COL14A1: variants seen among roughly 807,000 people sequenced by gnomAD.
COL14A1 encodes collagen type XIV alpha 1 chain.
A neutral mutation model predicts 230.3 loss-of-function variants in COL14A1; 136 were observed. The observed-to-expected ratio is 0.59, with a 90% confidence interval of 0.51 to 0.68. COL14A1 has a LOEUF of 0.68. Ranked by LOEUF, COL14A1 falls within the 30% of genes least tolerant of loss-of-function variation. COL14A1 has a pLI of 0.00. For synonymous variants in COL14A1, 792 were observed against 784.1 expected (o/e 1.01, Z -0.17); for missense variants, 1,976 against 2,215.8 (o/e 0.89, Z 2.17).
chr8:120,180,032 T>C (rs532118746), intron 5 of COL14A1, among the ~76,000 whole-genome samples: 1 of 152,094 alleles, frequency 6.6e-6, no homozygotes. Context: ...TTACACCTTA[T>C]ACAAAAATTA....
intron 20 of COL14A1, among the ~76,000 whole-genome samples, chr8:120,246,114 T>G (rs1249792672): frequency 6.6e-6 from 1 of 152,170 alleles, no homozygotes; most frequent in Non-Finnish European, 1.5e-5. Context: ...AGTTTTCAAC[T>G]AAGTTTGCGA....
At chr8:120,305,259 C>T (rs1040677678) in intron 36 of COL14A1, among the ~76,000 whole-genome samples, 1 of 152,074 alleles carries the variant, frequency 6.6e-6, no homozygotes, top group Non-Finnish European at 1.5e-5. Context: ...GGATTACAGG[C>T]GTGAGCCACC....
chr8:120,260,779 C>T (rs999171094), intron 23 of COL14A1, among the ~76,000 whole-genome samples: 2 of 152,146 alleles, frequency 1.3e-5, no homozygotes, highest in African/African-American at 4.8e-5. Context: ...CCCAAGTAGG[C>T]TCTGTGGAGT....
intron 13 of COL14A1, among the ~76,000 whole-genome samples, chr8:120,215,980 G>A (rs141123889): frequency 3.9e-5 from 6 of 152,316 alleles, no homozygotes; most frequent in African/African-American, 1.4e-4. Context: ...GAGTGGCTTT[G>A]CCAGAGTCAC....
At chr8:120,248,986 C>CGCA (rs1288620220) in intron 21 of COL14A1, among the ~76,000 whole-genome samples, 7 of 121,460 alleles carry the variant, frequency 5.8e-5, no homozygotes, top group South Asian at 5.3e-4. Flanking sequence ...AGTACAGTGG[C>CGCA]GCAGCCTCGG....
chr8:120,280,179 C>A, intron 29 of COL14A1, 80 bp downstream of exon 29: 2 of 1,480,038 alleles, frequency 1.4e-6, no homozygotes, highest in Non-Finnish European at 1.9e-6. Flanking sequence ...TGAGTCCGAT[C>A]TAGATCTGAG....
At chr8:120,199,284 T>C in intron 7 of COL14A1, 118 bp from the exon 8 acceptor site, 1 of 843,530 alleles carries the variant, frequency 1.2e-6, no homozygotes, top group Non-Finnish European at 1.7e-6. Context: ...AATGAAGATT[T>C]GCATGTAATA....
intron 4 of COL14A1, among the ~76,000 whole-genome samples, chr8:120,167,676 C>A (rs1272982604): frequency 6.6e-6 from 1 of 152,130 alleles, no homozygotes; most frequent in African/African-American, 2.4e-5. Context: ...TAAGGCTCTT[C>A]ATCTTCTTGT....
chr8:120,186,551 A>G (rs1816657671), intron 5 of COL14A1, among the ~76,000 whole-genome samples: 1 of 152,220 alleles, frequency 6.6e-6, no homozygotes, highest in Non-Finnish European at 1.5e-5. Context: ...TAAAAATAGT[A>G]CACACTCTCC....
At chr8:120,324,217 T>TA (rs555120162) in intron 40 of COL14A1, among the ~76,000 whole-genome samples, 10 of 145,440 alleles carry the variant, frequency 6.9e-5, no homozygotes, top group South Asian at 6.5e-4. Flanking sequence ...ACCCTGAACC[T>TA]AAAAAAAAAA....
At chr8:120,255,447 A>G (rs1228914112) in intron 23 of COL14A1, 91 bp downstream of exon 23, 3 of 969,140 alleles carry the variant, frequency 3.1e-6, no homozygotes, top group African/African-American at 1.6e-5. Flanking sequence ...GTAGCATTAG[A>G]CAACAGCCCT....
At chr8:120,364,045 T>C (rs11991919) in intron 45 of COL14A1, among the ~76,000 whole-genome samples, 5,198 of 152,144 alleles carry the variant, frequency 0.034, 295 homozygotes, top group African/African-American at 0.12. Context: ...GACAGACAAG[T>C]TAAAGGGCAT....
In COL14A1 at chr8:120,278,312, G is replaced by C; in HGVS notation, c.3337+78G>C. The C allele has an allele frequency of 1.6e-5, 24 of 1,511,976 alleles. 1 individual carries two copies. The highest frequency in any genetic ancestry group is 4.6e-5 in the East Asian group (2 of 43,488). 93.7% of individuals were successfully genotyped at this position (1,511,976 alleles called of 1,614,324 possible). On this transcript the variant is annotated intron_variant, in intron 27 of 47. Transcript: ENST00000297848. Reference sequence around the variant, plus strand: ...TACTGAAATGACCTTTTATTTTAAGGCATAGTAATTTTTTAAAGATTTTTT... The same window carrying C: ...TACTGAAATGACCTTTTATTTTAAGCCATAGTAATTTTTTAAAGATTTTTT...
rs1281531018 is a variant in COL14A1, at chr8:120,309,125, C to T, written c.4402-884C>T. ...AATTTTTTTGTATTTTCAGTAGAGACGGTGTTTCACCGTGTTAGCCAGGAT... is the reference window on the plus strand; with the variant it reads ...AATTTTTTTGTATTTTCAGTAGAGATGGTGTTTCACCGTGTTAGCCAGGAT... On this transcript the variant is annotated intron_variant, in intron 36 of 47. Transcript: ENST00000297848. 4.6e-5 allele frequency among the ~76,000 whole-genome samples: 7 copies of T among 152,182 alleles called. No individual in the cohort carries two copies. In the East Asian group the frequency reaches 9.7e-4, roughly 21 times the overall value.
intron 45 of COL14A1, among the ~76,000 whole-genome samples, chr8:120,349,866 G>A (rs1291966105): frequency 6.8e-6 from 1 of 146,582 alleles, no homozygotes; most frequent in Non-Finnish European, 1.5e-5. Context: ...CCAATGTTCA[G>A]ATTCAGGAAA....
chr8:120,225,057 G>A, intron 14 of COL14A1, 31 bp from the exon 15 acceptor site: 1 of 1,599,522 alleles, frequency 6.3e-7, no homozygotes, highest in South Asian at 1.1e-5. Flanking sequence ...GCATTAGATA[G>A]AGCTGTTATT....
At chr8:120,192,302 G>T (rs527403008) in intron 5 of COL14A1, among the ~76,000 whole-genome samples, 318 of 152,124 alleles carry the variant, frequency 2.1e-3, no homozygotes, top group African/African-American at 7.2e-3. Flanking sequence ...CCTTCACTTA[G>T]GAAGCTTAGT....
Position 120,199,386 on chromosome 8 carries a change from C to G in COL14A1, c.713-16C>G. The G allele has an allele frequency of 6.4e-7, 1 of 1,555,938 alleles. No homozygotes were observed. Among genetic ancestry groups the G allele is most frequent in the Non-Finnish European group, 8.6e-7 (1 of 1,158,368 alleles). On this transcript the variant is annotated splice_polypyrimidine_tract_variant and intron_variant, in intron 7 of 47. Coordinates refer to ENST00000297848, the MANE Select transcript of COL14A1 (RefSeq NM_021110.4). Reference sequence around the variant, plus strand: ...TTAGAGATAGCTGGTGTTTACTTTTCCTTGTTTTCTCCAAGGTCTTGCTTT... The same window carrying G: ...TTAGAGATAGCTGGTGTTTACTTTTGCTTGTTTTCTCCAAGGTCTTGCTTT...
chr8:120,136,662 TG>T (rs1241486219), intron 1 of COL14A1, among the ~76,000 whole-genome samples: 1 of 152,008 alleles, frequency 6.6e-6, no homozygotes, highest in Non-Finnish European at 1.5e-5. Flanking sequence ...TGTCTAGTTT[TG>T]ATAAAAAGGT....
Sources: gnomAD v4.1 joint callset for allele counts (sites outside exome capture counted in the v4.1 genomes callset) on GRCh38, gnomAD v4.1.1 for gene constraint, MANE v1.5 for transcripts, NCBI Gene and HGNC (gene_info 2026-07-23, HGNC 2026-07-21) for gene names.